The following ENTPD4 variants were observed in gnomAD, a reference collection of about 807,000 sequenced individuals.
ENTPD4 encodes the protein Golgi UDPase.
In ENTPD4, 60 loss-of-function variants were observed where a neutral mutation model predicts 79.1. That is an observed-to-expected ratio of 0.76 (90% CI 0.62 to 0.94). The LOEUF (loss-of-function observed/expected upper bound fraction) is 0.94. Ranked by LOEUF, ENTPD4 falls within the 40% of genes least tolerant of loss-of-function variation. The pLI is 0.00. For missense variants in ENTPD4, 772 were observed against 775.1 expected (o/e 1.00, Z 0.05); for synonymous variants, 276 against 292.0 (o/e 0.95, Z 0.56).
chr8:23,444,713 CCTTA>C lies in ENTPD4; in HGVS notation c.413-111_413-108del, dbSNP rs756103562. On this transcript the variant is annotated intron_variant, in intron 4 of 12. Transcript: ENST00000358689. ...GGAAATCATGCTACACATTACACTT[CCTTA>C]GTTTTTCCTATCCTTCTAGCAACTT... is the stretch of plus-strand genomic sequence containing the variant. The C allele has an allele frequency of 3.5e-4, 340 of 966,672 alleles. 1 individual carries two copies. Among genetic ancestry groups the C allele is most frequent in the Non-Finnish European group, 5.1e-4 (324 of 635,120 alleles). 59.9% of individuals were successfully genotyped at this position (966,672 alleles called of 1,614,324 possible).
rs1393577201 is a variant in ENTPD4, at chr8:23,431,039, C to T, written c.*1887G>A. On this transcript the variant is annotated 3_prime_UTR_variant, in exon 13 of 13. Transcript: ENST00000358689. ...AAATCCAGGTGAGGGAGCCATGCCC[C>T]CACAGCTCTTGCCTCAAGGATCAGA... is the stretch of plus-strand genomic sequence containing the variant. 1 of 910,840 alleles carries T rather than the reference C, an allele frequency of 1.1e-6. No individual in the cohort carries two copies. Among genetic ancestry groups the T allele is most frequent in the Non-Finnish European group, 1.3e-6 (1 of 762,076 alleles). 56.4% of individuals were successfully genotyped at this position (910,840 alleles called of 1,614,324 possible). A position where few individuals can be genotyped will look rare whatever the true frequency, so the allele number is the denominator to read the frequency against.
chr8:23,433,250 T>C (rs1800493394), intron 12 of ENTPD4, 96 bp from the exon 13 acceptor site: 3 of 1,015,816 alleles, frequency 3.0e-6, no homozygotes, highest in South Asian at 3.0e-5. Context: ...GCCCCAGAGC[T>C]GCACTTTAGG....
rs1413058223 is a variant in ENTPD4 at position 23,432,643 on chromosome 8, C to T, written c.*283G>A. ...CCTCCTGAGTAGCTGGGACTACGGG[C>T]GCCCGCCACCACACCCAGCTAATTT... On this transcript the variant is annotated 3_prime_UTR_variant, in exon 13 of 13. Transcript: ENST00000358689. 3 of 634,406 alleles carry T rather than the reference C, an allele frequency of 4.7e-6. No individual in the cohort carries two copies. Among genetic ancestry groups the T allele is most frequent in the East Asian group, 7.1e-5 (1 of 14,156 alleles). 39.3% of individuals were successfully genotyped at this position (634,406 alleles called of 1,614,324 possible). A position where few individuals can be genotyped will look rare whatever the true frequency, so the allele number is the denominator to read the frequency against.
Position 23,457,619 on chromosome 8 carries a change from C to G in ENTPD4, c.-160G>C, listed in dbSNP as rs1340155046. 1 of 151,790 alleles carries G rather than the reference C, an allele frequency of 6.6e-6. No individual in the cohort carries two copies. Among genetic ancestry groups the G allele is most frequent in the African/African-American group, 2.4e-5 (1 of 41,400 alleles). 9.4% of individuals were successfully genotyped at this position (151,790 alleles called of 1,614,324 possible). On this transcript the variant is annotated 5_prime_UTR_variant, in exon 1 of 13. Coordinates refer to ENST00000358689, the MANE Select transcript of ENTPD4 (RefSeq NM_004901.5). ...ACCAGTGGGCAGCATCACGGCCAGC[C>G]GGCTTCCTGGAGGCCGCGCTCCTTT...
At chr8:23,446,491 G>A (rs963257543) in intron 4 of ENTPD4, among the ~76,000 whole-genome samples, 1 of 152,174 alleles carries the variant, frequency 6.6e-6, no homozygotes, top group Non-Finnish European at 1.5e-5. Context: ...CTAAAACTTA[G>A]AAGACACTCA....
chr8:23,447,848 T>C lies in ENTPD4; in HGVS notation c.244A>G (p.Thr82Ala). 1.2e-6 allele frequency: 2 copies of C among 1,614,236 alleles called. No individual in the cohort carries two copies. The highest frequency in any genetic ancestry group is 1.7e-6 in the Non-Finnish European group (2 of 1,180,032). Residue 82 changes from threonine to alanine, a missense_variant, in exon 4 of 13, where the codon ACC (threonine) becomes GCC (alanine). Coordinates refer to ENST00000358689, the MANE Select transcript of ENTPD4 (RefSeq NM_004901.5). ...CCATAGTTCACATTGGGGTTATTGG[T>C]GTCTGTAGCTTCAATGTCGGTAACT... is the stretch of plus-strand genomic sequence containing the variant. ...ARVTDIEATD[T>A]NNPNVNYGIV...
intron 6 of ENTPD4, among the ~76,000 whole-genome samples, chr8:23,442,351 AC>A (rs934937565): frequency 6.6e-6 from 1 of 152,208 alleles, no homozygotes; most frequent in African/African-American, 2.4e-5. Context: ...TATAATTTTC[AC>A]TTTTATGATG....
chr8:23,436,823 A>G (rs1461177738), intron 10 of ENTPD4, 111 bp downstream of exon 10: 4 of 871,496 alleles, frequency 4.6e-6, no homozygotes, highest in Non-Finnish European at 7.2e-6. Flanking sequence ...GCTGCAGTGC[A>G]GCCTTCTATA....
At chr8:23,434,229 C>A in intron 12 of ENTPD4, 88 bp downstream of exon 12, 1 of 1,536,402 alleles carries the variant, frequency 6.5e-7, no homozygotes, top group South Asian at 1.2e-5. Flanking sequence ...AGCAATGCCC[C>A]AAACAGCCAC....
At position 23,439,922 on chromosome 8, in the gene ENTPD4, ACATAAG is replaced by A; in HGVS notation, c.883-13_883-8del. On this transcript the variant is annotated splice_region_variant and splice_polypyrimidine_tract_variant and intron_variant, in intron 8 of 12. Transcript: ENST00000358689. ...AGTTTTTAGCTACTTCTTCCTGCAG[ACATAAG>A]CATAACAAACCTTAATAGCTTAAGC... 1 of 1,613,286 alleles carries A rather than the reference ACATAAG, an allele frequency of 6.2e-7. No homozygotes were observed. Among genetic ancestry groups the A allele is most frequent in the Non-Finnish European group, 8.5e-7 (1 of 1,179,196 alleles).
At chr8:23,440,516 G>GT (rs1800649660) in intron 8 of ENTPD4, among the ~76,000 whole-genome samples, 1 of 152,000 alleles carries the variant, frequency 6.6e-6, no homozygotes, top group African/African-American at 2.4e-5. Context: ...TATTCCAAAC[G>GT]TTATTTCTAT....
At chr8:23,448,544 G>T (rs1751589821) in intron 3 of ENTPD4, among the ~76,000 whole-genome samples, 198 bp downstream of exon 3, 1 of 152,156 alleles carries the variant, frequency 6.6e-6, no homozygotes, top group Non-Finnish European at 1.5e-5. Context: ...CCTCATCTCA[G>T]AACCAGGAAT....
intron 1 of ENTPD4, 128 bp downstream of exon 1, chr8:23,457,428 TG>T (rs1301327739): frequency 2.5e-5 from 2 of 79,068 alleles, no homozygotes; most frequent in Non-Finnish European, 4.9e-5. Flanking sequence ...CAGGCGGCTG[TG>T]GGGGCCTGGG....
intron 2 of ENTPD4, among the ~76,000 whole-genome samples, 153 bp downstream of exon 2, chr8:23,449,740 A>C (rs2293936): frequency 0.14 from 20,848 of 152,188 alleles, 1,682 homozygotes; most frequent in Admixed American, 0.18. Context: ...ATGCATTAAA[A>C]TACCTCACTG....
Position 23,432,134 on chromosome 8 carries a change from A to T in ENTPD4, c.*792T>A. The T allele has an allele frequency of 1.0e-6, 1 of 984,704 alleles. No homozygotes were observed. Among genetic ancestry groups the T allele is most frequent in the Non-Finnish European group, 1.2e-6 (1 of 829,292 alleles). 61.0% of individuals were successfully genotyped at this position (984,704 alleles called of 1,614,324 possible). A position where few individuals can be genotyped will look rare whatever the true frequency, so the allele number is the denominator to read the frequency against. ...GTTTAAAAAATTTAAATTTGCAAAG[A>T]AAACATATACAGTAACAGACCTGAA... On this transcript the variant is annotated 3_prime_UTR_variant, in exon 13 of 13. Coordinates refer to ENST00000358689, the MANE Select transcript of ENTPD4 (RefSeq NM_004901.5).
At chr8:23,449,813 A>G in intron 2 of ENTPD4, 80 bp downstream of exon 2, 1 of 1,272,980 alleles carries the variant, frequency 7.9e-7, no homozygotes, top group Admixed American at 1.7e-5. Flanking sequence ...TTCACTTGCG[A>G]TTTAGATTTT....
At position 23,433,105 on chromosome 8, in the gene ENTPD4, C is replaced by T. The variant is rs766323650; in HGVS notation, c.1672G>A (p.Val558Ile). 23 of 1,614,054 alleles carry T rather than the reference C, an allele frequency of 1.4e-5. No homozygotes were observed. The highest frequency in any genetic ancestry group is 1.7e-5 in the Non-Finnish European group (20 of 1,180,036). The part of the protein sequence containing the change: ...FRASHTHWRG[V>I]SFVYNHYLFS... ...AGGTAGTGGTTGTAGACAAAGGAAA[C>T]GCCCCGCCAGTGGGTGTGACTGGCT... The change falls in exon 13 of 13, where the codon GTT (valine) becomes ATT (isoleucine). Residue 558 changes from valine to isoleucine, a missense_variant. Physicochemically the swap from Val to Ile is conservative, Grantham distance 29. Coordinates refer to ENST00000358689, the MANE Select transcript of ENTPD4 (RefSeq NM_004901.5).
In ENTPD4 at chr8:23,430,833, C is replaced by A. The variant is rs61744075; in HGVS notation, c.*2093G>T. On this transcript the variant is annotated 3_prime_UTR_variant, in exon 13 of 13. Transcript: ENST00000358689. The stretch of plus-strand genomic sequence containing the variant: ...CAGTGGCTCCATCGCCAGCTCCCTG[C>A]AGCCTCCACCAATAATCCATGGCTC... 112,327 of 985,600 alleles carry A rather than the reference C, an allele frequency of 0.11. 6,771 individuals carry two copies. Among genetic ancestry groups the A allele is most frequent in the East Asian group, 0.17 (1,513 of 8,818 alleles). The allele number at this position is 985,600 out of a possible 1,614,324, so 61.1% of individuals were successfully genotyped here.
At chr8:23,435,763 T>G (rs1358553395) in intron 10 of ENTPD4, among the ~76,000 whole-genome samples, 1 of 152,228 alleles carries the variant, frequency 6.6e-6, no homozygotes, top group Non-Finnish European at 1.5e-5. Flanking sequence ...CCTCCATGAC[T>G]GCATGGTACG....
Sources: gnomAD v4.1 joint callset for allele counts (sites outside exome capture counted in the v4.1 genomes callset) on GRCh38, gnomAD v4.1.1 for gene constraint, MANE v1.5 for transcripts, NCBI Gene and HGNC (gene_info 2026-07-23, HGNC 2026-07-21) for gene names.